Variants in ZNF600 observed in about 807,000 individuals in gnomAD.
The protein encoded by ZNF600 is zinc finger protein 600, also known as zinc finger protein KR-ZNF1.
In ZNF600, 4 loss-of-function variants were observed where a neutral mutation model predicts 7.3. The ratio of observed to expected loss-of-function variants is 0.55; its 90% CI spans 0.27 to 1.25. The LOEUF (loss-of-function observed/expected upper bound fraction) is 1.25. ZNF600 is among the 50% of genes most tolerant of loss of function. The pLI is 0.12. For missense variants in ZNF600, 911 were observed against 922.1 expected (o/e 0.99, Z 0.16); for synonymous variants, 290 against 308.9 (o/e 0.94, Z 0.64).
chr19:52,810,888 TCC>T, the ZNF600 span, among the ~76,000 whole-genome samples: 2 of 3,968 alleles, frequency 5.0e-4, no homozygotes, highest in Non-Finnish European at 9.2e-4. Flanking sequence ...CCCCTCCCCC[TCC>T]CCCTCCCCCT....
chr19:52,790,270 G>A (rs1354648780), upstream of ZNF600, among the ~76,000 whole-genome samples: 1 of 152,150 alleles, frequency 6.6e-6, no homozygotes, highest in Non-Finnish European at 1.5e-5. Flanking sequence ...AGGCCAAGAA[G>A]GGCAGATCAT....
downstream of ZNF600, chr19:52,764,247 T>C (rs1428731769): frequency 6.6e-6 from 1 of 152,148 alleles, no homozygotes; most frequent in African/African-American, 2.4e-5. Flanking sequence ...AGACTGACTC[T>C]ACTGCCCAGG....
the ZNF600 span, chr19:52,814,495 A>T: frequency 2.7e-5 from 4 of 146,122 alleles, no homozygotes; most frequent in Non-Finnish European, 5.9e-5. Flanking sequence ...TTAGGAGGCT[A>T]AAACAGGAGA....
the ZNF600 span, among the ~76,000 whole-genome samples, chr19:52,809,331 A>G: frequency 1.3e-5 from 2 of 152,252 alleles, no homozygotes; most frequent in African/African-American, 4.8e-5. Flanking sequence ...GTTGTCATTC[A>G]GCCAATTTCC....
rs562023980 is a variant in ZNF600 at position 52,767,686 on chromosome 19, A to G, written c.277T>C (p.Tyr93His). Residue 93 changes from tyrosine to histidine, a missense_variant, in exon 4 of 4, where the codon TAT becomes CAT. By Grantham distance (83) the Tyr-to-His change is moderately conservative. Transcript: ENST00000648973. ...AAATCTCCAATGTGATAACTTTGAT[A>G]TCTTTGCAATGTCCCTGTGTGGATC... 34 of 1,613,964 alleles carry G rather than the reference A, an allele frequency of 2.1e-5. No homozygotes were observed. The highest frequency in any genetic ancestry group is 1.3e-4 in the Admixed American group (8 of 59,992).
At chr19:52,775,286 T>C (rs941521323) in intron 2 of ZNF600, among the ~76,000 whole-genome samples, 3 of 151,844 alleles carry the variant, frequency 2.0e-5, no homozygotes, top group African/African-American at 7.3e-5. Context: ...GGGCAGTGAC[T>C]GTCACCTGTA....
chr19:52,815,703 T>G, the ZNF600 span, among the ~76,000 whole-genome samples: 3 of 145,588 alleles, frequency 2.1e-5, no homozygotes, highest in Non-Finnish European at 1.5e-5. Flanking sequence ...CAGGTGCCTG[T>G]GGTCCCAGCT....
At chr19:52,782,091 C>T (rs780871061) in intron 1 of ZNF600, among the ~76,000 whole-genome samples, 2 of 151,568 alleles carry the variant, frequency 1.3e-5, no homozygotes, top group African/African-American at 2.4e-5. Flanking sequence ...AGCCAGGCCT[C>T]GTGGGGCGTG....
At chr19:52,808,053 A>T in the ZNF600 span, 15 of 1,613,410 alleles carry the variant, frequency 9.3e-6, no homozygotes, top group Middle Eastern at 3.3e-4. Context: ...CATCCCTGTA[A>T]AGAGTCCTCT....
the ZNF600 span, among the ~76,000 whole-genome samples, chr19:52,827,961 G>A: frequency 6.6e-6 from 1 of 152,022 alleles, no homozygotes; most frequent in Non-Finnish European, 1.5e-5. Context: ...TGTAATACCT[G>A]GCTTTTCAGA....
At chr19:52,783,453 C>T (rs2046297602) in intron 1 of ZNF600, among the ~76,000 whole-genome samples, 1 of 152,168 alleles carries the variant, frequency 6.6e-6, no homozygotes, top group Admixed American at 6.5e-5. Context: ...GCTCCGCCTC[C>T]CGGGTTCATG....
chr19:52,780,622 G>A (rs2062712679), intron 1 of ZNF600: 1 of 152,066 alleles, frequency 6.6e-6, no homozygotes, highest in African/African-American at 2.4e-5. Flanking sequence ...CAGCTACTCG[G>A]GAGTCTGAGG....
chr19:52,790,811 T>G (rs141867265), upstream of ZNF600, among the ~76,000 whole-genome samples: 1,944 of 151,132 alleles, frequency 0.013, 40 homozygotes, highest in African/African-American at 0.044. Flanking sequence ...CTCAGCCTCC[T>G]GAGTAGCTGA....
At chr19:52,802,340 C>A in the ZNF600 span, among the ~76,000 whole-genome samples, 1 of 151,770 alleles carries the variant, frequency 6.6e-6, no homozygotes, top group African/African-American at 2.4e-5. Flanking sequence ...TGCACTCCAG[C>A]CCAGGTGACA....
At chr19:52,799,736 C>T in the ZNF600 span, 2 of 1,612,136 alleles carry the variant, frequency 1.2e-6, no homozygotes, top group Non-Finnish European at 1.7e-6. Flanking sequence ...CAAGGTTTGA[C>T]ATCTGACTGA....
chr19:52,795,755 G>A, the ZNF600 span, among the ~76,000 whole-genome samples: 7 of 152,112 alleles, frequency 4.6e-5, no homozygotes, highest in Non-Finnish European at 7.4e-5. Context: ...TAGTCAAGAC[G>A]AGGATTCACC....
At chr19:52,782,474 C>G (rs10413306) in intron 1 of ZNF600, among the ~76,000 whole-genome samples, 39,979 of 151,116 alleles carry the variant, frequency 0.26, 7,298 homozygotes, top group African/African-American at 0.52. Flanking sequence ...GATGAGCCAA[C>G]ATCACGCCAT....
At chr19:52,779,064 G>C (rs1357164962) in intron 1 of ZNF600, among the ~76,000 whole-genome samples, 157 bp from the exon 4 acceptor site, 1 of 152,138 alleles carries the variant, frequency 6.6e-6, no homozygotes, top group African/African-American at 2.4e-5. Context: ...CCCACAGGAC[G>C]ACCTATAAGT....
At chr19:52,818,078 C>G in the ZNF600 span, 3 of 1,509,382 alleles carry the variant, frequency 2.0e-6, no homozygotes, top group Non-Finnish European at 1.8e-6. Flanking sequence ...CAACACATCC[C>G]CTCCCTGTAA....
Sources: allele counts gnomAD v4.1 joint callset (sites outside exome capture counted in the v4.1 genomes callset), GRCh38; gene constraint gnomAD v4.1.1; transcripts MANE v1.5; gene names NCBI Gene and HGNC (gene_info 2026-07-23, HGNC 2026-07-21).